The following GRM1 variants were observed in gnomAD, a reference collection of about 807,000 sequenced individuals.
GRM1 encodes the protein glutamate metabotropic receptor 1, also known as metabotropic glutamate receptor 1.
GRM1 carries 33 observed loss-of-function variants against 90.9 expected under a neutral mutation model. The ratio of observed to expected loss-of-function variants is 0.36; its 90% CI spans 0.28 to 0.49. GRM1 has a LOEUF of 0.49. Ranked by LOEUF, GRM1 falls within the 20% of genes least tolerant of loss-of-function variation. The pLI, the probability that GRM1 is intolerant of heterozygous loss-of-function variation, is 0.99. For missense variants in GRM1, 1,190 were observed against 1,534.3 expected (o/e 0.78, Z 3.75); for synonymous variants, 700 against 613.2 (o/e 1.14, Z -2.09).
chr6:146,277,751 G>T (rs1435393653), intron 2 of GRM1, among the ~76,000 whole-genome samples: 2 of 152,112 alleles, frequency 1.3e-5, no homozygotes, highest in Non-Finnish European at 2.9e-5. Context: ...TCTCATGAGT[G>T]ATTCTAGTGA....
intron 3 of GRM1, among the ~76,000 whole-genome samples, chr6:146,316,498 G>A (rs990642059): frequency 3.9e-5 from 6 of 152,204 alleles, no homozygotes; most frequent in South Asian, 2.1e-4. Context: ...AAGACAGCAC[G>A]GCATCAGCCT....
rs114900803 is a variant in GRM1, at chr6:146,191,915, A to C, written c.950+32318A>C. The stretch of plus-strand genomic sequence containing the variant: ...TTTCTCTCTGTGTTTAAAAGGGAAC[A>C]CACAGCACACAAACAAGCTGGGGAA... On this transcript the variant is annotated intron_variant, in intron 2 of 7. Coordinates refer to ENST00000282753, the MANE Select transcript of GRM1 (RefSeq NM_001278064.2). Among the ~76,000 whole-genome samples the C allele has an allele frequency of 5.0e-3, 764 of 152,360 alleles. 5 individuals are homozygous for C. The highest frequency in any genetic ancestry group is 0.018 in the African/African-American group (734 of 41,586).
intron 2 of GRM1, among the ~76,000 whole-genome samples, chr6:146,301,682 C>A (rs575208037): frequency 1.9e-4 from 29 of 152,192 alleles, no homozygotes; most frequent in African/African-American, 6.7e-4. Context: ...GACAGAATTT[C>A]TTCAAAGCCT....
intron 7 of GRM1, among the ~76,000 whole-genome samples, chr6:146,414,021 C>G (rs1303247117): frequency 1.3e-5 from 2 of 152,120 alleles, no homozygotes; most frequent in Non-Finnish European, 2.9e-5. Flanking sequence ...CATACATACA[C>G]AAGATTTTAT....
intron 1 of GRM1, among the ~76,000 whole-genome samples, chr6:146,157,078 T>C (rs1167249544): frequency 1.3e-5 from 2 of 152,180 alleles, no homozygotes; most frequent in Non-Finnish European, 2.9e-5. Context: ...CAAATATCAT[T>C]TGAATGCATG....
chr6:146,365,109 T>G (rs1283581413), intron 5 of GRM1: 1 of 152,176 alleles, frequency 6.6e-6, no homozygotes, highest in Non-Finnish European at 1.5e-5. Flanking sequence ...CACAGGCATA[T>G]CAAAGAATCT....
At chr6:146,087,952 T>A (rs1009177054) in intron 1 of GRM1, among the ~76,000 whole-genome samples, 3 of 152,166 alleles carry the variant, frequency 2.0e-5, no homozygotes, top group Non-Finnish European at 4.4e-5. Flanking sequence ...CTAGGATAAA[T>A]ACCCAGAAGT....
At chr6:146,284,129 G>T (rs1256978626) in intron 2 of GRM1, among the ~76,000 whole-genome samples, 1 of 152,150 alleles carries the variant, frequency 6.6e-6, no homozygotes, top group African/African-American at 2.4e-5. Flanking sequence ...ACCCAGGGGT[G>T]CTGGCTCTGA....
intron 2 of GRM1, among the ~76,000 whole-genome samples, chr6:146,218,623 T>A (rs750495006): frequency 2.6e-5 from 4 of 152,000 alleles, no homozygotes; most frequent in Admixed American, 6.6e-5. Context: ...ATGAAAAAAA[T>A]CAGAAGAATG....
chr6:146,427,950 G>C (rs1243888487), intron 7 of GRM1, among the ~76,000 whole-genome samples: 2 of 152,198 alleles, frequency 1.3e-5, no homozygotes, highest in African/African-American at 4.8e-5. Flanking sequence ...AGCAGGGCCA[G>C]AGAGAGAGGA....
At chr6:146,259,431 TG>T (rs1781601074) in intron 2 of GRM1, among the ~76,000 whole-genome samples, 1 of 152,190 alleles carries the variant, frequency 6.6e-6, no homozygotes, top group Non-Finnish European at 1.5e-5. Flanking sequence ...TTTGCATAAC[TG>T]AAACTTTATA....
rs148887512 is a variant in GRM1, at chr6:146,129,041, G to C, written c.701-30307G>C. Among the ~76,000 whole-genome samples the C allele has an allele frequency of 3.5e-3, 530 of 152,150 alleles. 4 individuals carry two copies. Among genetic ancestry groups the C allele is most frequent in the African/African-American group, 0.012 (496 of 41,506 alleles). On this transcript the variant is annotated intron_variant, in intron 1 of 7. Coordinates refer to ENST00000282753, the MANE Select transcript of GRM1 (RefSeq NM_001278064.2). ...ATGATTTCGGTCACTTTTCCTCCCTGATATTTTCCGGTACATGTAAAATTT... is the reference window on the plus strand; with the variant it reads ...ATGATTTCGGTCACTTTTCCTCCCTCATATTTTCCGGTACATGTAAAATTT...
chr6:146,361,666 T>C (rs1394906217), intron 5 of GRM1, among the ~76,000 whole-genome samples: 1 of 152,032 alleles, frequency 6.6e-6, no homozygotes, highest in African/African-American at 2.4e-5. Flanking sequence ...GGTATTATCA[T>C]CCCCCCATTT....
chr6:146,308,287 A>G (rs1241475695), intron 3 of GRM1, among the ~76,000 whole-genome samples: 2 of 152,220 alleles, frequency 1.3e-5, no homozygotes. Flanking sequence ...TTTTGGTAAC[A>G]TGACAACAAT....
At position 146,305,449 on chromosome 6, in the gene GRM1, G is replaced by A. The variant is rs148006276; in HGVS notation, c.1186+603G>A. Among the ~76,000 whole-genome samples, 440 of 152,276 alleles carry A rather than the reference G, an allele frequency of 2.9e-3. 2 individuals are homozygous for A. The highest frequency in any genetic ancestry group is 9.6e-3 in the African/African-American group (400 of 41,546). ...AGGGGTGTGGTGAAATCCACAGGAT[G>A]TCCTCCTTGCAACCCCTAGTACTAC... is the stretch of plus-strand genomic sequence containing the variant. On this transcript the variant is annotated intron_variant, in intron 3 of 7. Transcript: ENST00000282753.
chr6:146,309,356 G>A (rs1407681348), intron 3 of GRM1, among the ~76,000 whole-genome samples: 2 of 150,880 alleles, frequency 1.3e-5, no homozygotes, highest in South Asian at 2.1e-4. Context: ...CCGAGATCGC[G>A]CCACTGCACT....
intron 7 of GRM1, among the ~76,000 whole-genome samples, chr6:146,418,368 T>A (rs1777861608): frequency 6.6e-6 from 1 of 151,796 alleles, no homozygotes; most frequent in South Asian, 2.1e-4. Context: ...ATAGAAGTTA[T>A]TGCTTATTTT....
At chr6:146,400,314 C>T (rs1014626708) in intron 7 of GRM1, among the ~76,000 whole-genome samples, 1 of 152,126 alleles carries the variant, frequency 6.6e-6, no homozygotes, top group African/African-American at 2.4e-5. Flanking sequence ...TTGTAATAAA[C>T]ATGTTCCACG....
chr6:146,160,104 C>G (rs1777669634), intron 2 of GRM1, among the ~76,000 whole-genome samples: 1 of 151,996 alleles, frequency 6.6e-6, no homozygotes, highest in Non-Finnish European at 1.5e-5. Flanking sequence ...TTCCTACCTC[C>G]TAAACATGAA....
Sources: allele counts gnomAD v4.1 joint callset (sites outside exome capture counted in the v4.1 genomes callset), GRCh38; gene constraint gnomAD v4.1.1; transcripts MANE v1.5; gene names NCBI Gene and HGNC (gene_info 2026-07-23, HGNC 2026-07-21).